Variants in CNOT7 observed in about 807,000 individuals in gnomAD.
CNOT7 encodes CCR4-NOT transcription complex subunit 7.
Under a neutral mutation model 37.1 loss-of-function variants are expected in CNOT7, and 4 were observed. That is an observed-to-expected ratio of 0.11 (90% CI 0.05 to 0.25). The LOEUF (loss-of-function observed/expected upper bound fraction) is 0.25. CNOT7 is among the 10% of genes least tolerant of loss of function. The pLI is 1.00. For missense variants in CNOT7, 170 were observed against 336.2 expected (o/e 0.51, Z 3.87); for synonymous variants, 128 against 115.6 (o/e 1.11, Z -0.69).
intron 6 of CNOT7, chr8:17,231,472 CATGA>C (rs1191346245): frequency 6.3e-6 from 6 of 959,504 alleles, no homozygotes; most frequent in African/African-American, 5.3e-5. Context: ...ATTTACGTGT[CATGA>C]ATGGATAGTC....
Position 17,236,381 on chromosome 8 carries a change from C to T in CNOT7, c.473+831G>A, listed in dbSNP as rs114453309. Among the ~76,000 whole-genome samples, 981 of 152,266 alleles carry T rather than the reference C, an allele frequency of 6.4e-3. 11 individuals carry two copies. Among genetic ancestry groups the T allele is most frequent in the African/African-American group, 0.023 (940 of 41,552 alleles). Reference sequence around the variant, plus strand: ...TGAAGGTTACTTTTAGTCCCTGGAACGTCAGTTTAGTTTACTTAGATGGGA... The same window carrying T: ...TGAAGGTTACTTTTAGTCCCTGGAATGTCAGTTTAGTTTACTTAGATGGGA... On this transcript the variant is annotated intron_variant, in intron 4 of 6. Transcript: ENST00000361272.
intron 2 of CNOT7, chr8:17,243,452 A>G: frequency 1.7e-6 from 1 of 580,206 alleles, no homozygotes; most frequent in Non-Finnish European, 3.2e-6. Context: ...TCTATAACCA[A>G]GAAAGGGGGG....
chr8:17,231,625 A>C (rs1808626362), intron 6 of CNOT7: 1 of 985,242 alleles, frequency 1.0e-6, no homozygotes, highest in African/African-American at 1.7e-5. Flanking sequence ...TCCACAGCGA[A>C]TTTTTCCAAA....
In CNOT7 at chr8:17,232,626, A is replaced by G. The variant is rs1054900509; in HGVS notation, c.619-89T>C. ...ATAAACTTAGACGCTGACCAAAATA[A>G]AAATAAACTTTAGTATGTAAAGGTG... On this transcript the variant is annotated intron_variant, in intron 5 of 6. Coordinates refer to ENST00000361272, the MANE Select transcript of CNOT7 (RefSeq NM_013354.7). 4.4e-6 allele frequency: 5 copies of G among 1,134,498 alleles called. No homozygotes were observed. In the African/African-American group the frequency reaches 7.8e-5, roughly 18 times the overall value. The allele number at this position is 1,134,498 out of a possible 1,614,324, so 70.3% of individuals were successfully genotyped here.
At chr8:17,233,694 G>A (rs1808936832) in intron 5 of CNOT7, among the ~76,000 whole-genome samples, 1 of 152,186 alleles carries the variant, frequency 6.6e-6, no homozygotes, top group Non-Finnish European at 1.5e-5. Flanking sequence ...CCTACTGCAA[G>A]TTCACTTCCT....
rs1307086981 is a variant in CNOT7, at chr8:17,226,766, A to G, written c.*3954T>C. On this transcript the variant is annotated 3_prime_UTR_variant, in exon 7 of 7. Coordinates refer to ENST00000361272, the MANE Select transcript of CNOT7 (RefSeq NM_013354.7). ...TAGTTTTTATTGAAATGAATTTACC[A>G]TATTATGTTGTTGTACCTTGTAATT... 2 of 151,712 alleles carry G rather than the reference A, an allele frequency of 1.3e-5. No individual in the cohort carries two copies. Among genetic ancestry groups the G allele is most frequent in the Non-Finnish European group, 3.0e-5 (2 of 67,706 alleles). 9.4% of individuals were successfully genotyped at this position (151,712 alleles called of 1,614,324 possible).
intron 2 of CNOT7, 48 bp from the exon 3 acceptor site, chr8:17,243,233 C>A: frequency 7.1e-7 from 1 of 1,410,876 alleles, no homozygotes; most frequent in South Asian, 1.3e-5. Flanking sequence ...GTCAAAACTA[C>A]AATCCACACA....
rs1395139382 is a variant in CNOT7 at position 17,226,084 on chromosome 8, C to G, written c.*4636G>C. 8.9e-6 allele frequency: 1 copy of G among 112,636 alleles called. No homozygotes were observed. The highest frequency in any genetic ancestry group is 1.7e-5 in the Non-Finnish European group (1 of 59,766). 7.0% of individuals were successfully genotyped at this position (112,636 alleles called of 1,614,324 possible). A position where few individuals can be genotyped will look rare whatever the true frequency, so the allele number is the denominator to read the frequency against. ...AAGGGCAGGTAGCAAATATTAGAGG[C>G]TTTGCAAGCTAAGACAAAATGAAGG... On this transcript the variant is annotated 3_prime_UTR_variant, in exon 7 of 7. Coordinates refer to ENST00000361272, the MANE Select transcript of CNOT7 (RefSeq NM_013354.7).
chr8:17,234,914 T>C, intron 4 of CNOT7, 54 bp from the exon 5 acceptor site: 1 of 1,413,538 alleles, frequency 7.1e-7, no homozygotes, highest in Non-Finnish European at 9.5e-7. Context: ...CTATAAAGAT[T>C]AAAAAAAAAA....
In CNOT7 at chr8:17,226,142, CA is replaced by C. The variant is rs1229587351; in HGVS notation, c.*4577del. On this transcript the variant is annotated 3_prime_UTR_variant, in exon 7 of 7. Coordinates refer to ENST00000361272, the MANE Select transcript of CNOT7 (RefSeq NM_013354.7). ...TTAGGTACTCAAGGAAACTTTTCAC[CA>C]AATTTTTATTCTAAAAATTGAAAAC... 7.2e-6 allele frequency: 1 copy of C among 138,958 alleles called. No individual in the cohort carries two copies. The highest frequency in any genetic ancestry group is 1.5e-5 in the Non-Finnish European group (1 of 65,124). 8.6% of individuals were successfully genotyped at this position (138,958 alleles called of 1,614,324 possible). A position where few individuals can be genotyped will look rare whatever the true frequency, so the allele number is the denominator to read the frequency against.
rs1176675814 is a variant in CNOT7, at chr8:17,229,652, A to G, written c.*1068T>C. ...GCTATATATATATATATGAGAATATATATATATTTTGTTGTTTTGTACCAA... is the reference window on the plus strand; with the variant it reads ...GCTATATATATATATATGAGAATATGTATATATTTTGTTGTTTTGTACCAA... On this transcript the variant is annotated 3_prime_UTR_variant, in exon 7 of 7. Coordinates refer to ENST00000361272, the MANE Select transcript of CNOT7 (RefSeq NM_013354.7). The G allele has an allele frequency of 6.6e-6, 1 of 151,746 alleles. No individual in the cohort carries two copies. The highest frequency in any genetic ancestry group is 6.6e-5 in the Admixed American group (1 of 15,160). 9.4% of individuals were successfully genotyped at this position (151,746 alleles called of 1,614,324 possible).
In CNOT7 at chr8:17,225,378, C is replaced by G. The variant is rs1298040764; in HGVS notation, c.*5342G>C. ...CTCATATACAAAAAATTCCTCCATA[C>G]CAGGAAGGAGAGTATTGACCAGTTT... On this transcript the variant is annotated 3_prime_UTR_variant, in exon 7 of 7. Transcript: ENST00000361272. 1 of 151,622 alleles carries G rather than the reference C, an allele frequency of 6.6e-6. No homozygotes were observed. Among genetic ancestry groups the G allele is most frequent in the Non-Finnish European group, 1.5e-5 (1 of 67,690 alleles). The allele number at this position is 151,622 out of a possible 1,614,324, so 9.4% of individuals were successfully genotyped here.
Position 17,227,407 on chromosome 8 carries a change from A to G in CNOT7, c.*3313T>C, listed in dbSNP as rs940413193. On this transcript the variant is annotated 3_prime_UTR_variant, in exon 7 of 7. Transcript: ENST00000361272. ...TAAGAGGCAAAGAATTAACAGTGTC[A>G]TTTGATGTTGTGTCCAAAATCCTCA... is the stretch of plus-strand genomic sequence containing the variant. The G allele has an allele frequency of 7.9e-5, 12 of 151,912 alleles. No homozygotes were observed. The highest frequency in any genetic ancestry group is 2.4e-4 in the African/African-American group (10 of 41,454). 9.4% of individuals were successfully genotyped at this position (151,912 alleles called of 1,614,324 possible). A position where few individuals can be genotyped will look rare whatever the true frequency, so the allele number is the denominator to read the frequency against.
intron 6 of CNOT7, chr8:17,231,474 T>C (rs1481148644): frequency 5.2e-6 from 5 of 963,620 alleles, no homozygotes; most frequent in East Asian, 1.1e-4. Flanking sequence ...TTACGTGTCA[T>C]GAATGGATAG....
At chr8:17,244,664 C>G (rs1810648646) in intron 2 of CNOT7, 2 of 168,236 alleles carry the variant, frequency 1.2e-5, no homozygotes, top group Middle Eastern at 2.7e-3. Context: ...TCATTTAAGA[C>G]TTAGTAAGAT....
chr8:17,241,696 A>T (rs1300845856), intron 3 of CNOT7: 1 of 152,210 alleles, frequency 6.6e-6, no homozygotes, highest in Non-Finnish European at 1.5e-5. Flanking sequence ...ACTCAACGTT[A>T]TCAATAAGTT....
At chr8:17,234,905 T>C (rs1362945846) in intron 4 of CNOT7, 45 bp from the exon 5 acceptor site, 17 of 1,535,652 alleles carry the variant, frequency 1.1e-5, no homozygotes, top group African/African-American at 2.8e-5. Flanking sequence ...ATATAAATAC[T>C]ATAAAGATTA....
intron 5 of CNOT7, among the ~76,000 whole-genome samples, chr8:17,234,281 GA>G (rs763439297): frequency 6.6e-6 from 1 of 152,096 alleles, no homozygotes; most frequent in Non-Finnish European, 1.5e-5. Flanking sequence ...AAGCCAAAAG[GA>G]AAGAAAAACT....
At chr8:17,244,171 T>C (rs375363088) in intron 2 of CNOT7, among the ~76,000 whole-genome samples, 2 of 152,198 alleles carry the variant, frequency 1.3e-5, no homozygotes, top group South Asian at 2.1e-4. Context: ...CCAGTGGATG[T>C]AGAAAACAGT....
Sources: allele counts gnomAD v4.1 joint callset (sites outside exome capture counted in the v4.1 genomes callset), GRCh38; gene constraint gnomAD v4.1.1; transcripts MANE v1.5; gene names NCBI Gene and HGNC (gene_info 2026-07-23, HGNC 2026-07-21).